Variants in REC114 observed in about 807,000 individuals in gnomAD.
The protein encoded by REC114 is REC114 meiotic recombination protein.
In REC114, 27 loss-of-function variants were observed where a neutral mutation model predicts 31.3. The observed-to-expected ratio is 0.86, with a 90% CI of 0.64 to 1.19. REC114 has a LOEUF of 1.19. Ranked by LOEUF, REC114 falls within the 50% of genes most tolerant of loss-of-function variation. REC114 has a pLI of 0.00. For synonymous variants in REC114, 134 were observed against 127.7 expected, an observed-to-expected ratio of 1.05 and a Z score of -0.33; for missense variants, 344 against 326.9, an observed-to-expected ratio of 1.05 and a Z score of -0.40.
intron 2 of REC114, among the ~76,000 whole-genome samples, chr15:73,531,253 C>G (rs1485778552): frequency 6.6e-6 from 1 of 152,124 alleles, no homozygotes; most frequent in African/African-American, 2.4e-5. Context: ...GAAACAGACT[C>G]AGTAGGGTTA....
intron 1 of REC114, 63 bp downstream of exon 1, chr15:73,443,407 G>C: frequency 1.3e-6 from 2 of 1,485,698 alleles, no homozygotes; most frequent in South Asian, 1.3e-5. Flanking sequence ...GAGGCTCCGC[G>C]AATACACTGG....
chr15:73,503,054 ATGCTTTGCT>A (rs1893623378), intron 2 of REC114, among the ~76,000 whole-genome samples: 1 of 152,242 alleles, frequency 6.6e-6, no homozygotes, highest in African/African-American at 2.4e-5. Flanking sequence ...TGGAGCTGTC[ATGCTTTGCT>A]GTTGGAAATG....
chr15:73,443,266 C>T lies in REC114; in HGVS notation c.81C>T (p.Ala27=), dbSNP rs1286677329. The part of the protein sequence containing the change: ...EAAEWPLQRY[A]RCIPSNTRDP... ...CAGAGTGGCCTCTGCAGCGGTACGC[C>T]CGCTGCATACCCTCAAACACCAGAG... The change falls in exon 1 of 6, where the codon GCC becomes GCT. Residue 27 remains alanine (A), a synonymous_variant. Transcript: ENST00000331090. The T allele has an allele frequency of 1.9e-6, 3 of 1,576,078 alleles. No homozygotes were observed. Among genetic ancestry groups the T allele is most frequent in the Non-Finnish European group, 2.6e-6 (3 of 1,161,988 alleles).
At chr15:73,512,111 T>C (rs897406499) in intron 2 of REC114, among the ~76,000 whole-genome samples, 1 of 142,052 alleles carries the variant, frequency 7.0e-6, no homozygotes, top group Non-Finnish European at 1.5e-5. Flanking sequence ...GGACTTGCTT[T>C]ATGAATCTGG....
In REC114 at chr15:73,507,116, G is replaced by GTA. The variant is rs1482539775; in HGVS notation, c.249+33200_249+33201dup. ...TCAAGACTAAGTGTTCATTTCCTGTGTATATAAAGGATATCTACAATTAAT... is the reference window on the plus strand; with the variant it reads ...TCAAGACTAAGTGTTCATTTCCTGTGTATATATAAAGGATATCTACAATTAAT... On this transcript the variant is annotated intron_variant, in intron 2 of 5. Coordinates refer to ENST00000331090, the MANE Select transcript of REC114 (RefSeq NM_001042367.2). Among the ~76,000 whole-genome samples the GTA allele has an allele frequency of 6.6e-5, 10 of 152,086 alleles. 1 individual carries two copies.
chr15:73,485,177 A>G (rs960091974), intron 2 of REC114, among the ~76,000 whole-genome samples: 4 of 152,072 alleles, frequency 2.6e-5, no homozygotes, highest in Non-Finnish European at 5.9e-5. Flanking sequence ...TCTGCCTCCC[A>G]GGTTCAAGCG....
intron 2 of REC114, among the ~76,000 whole-genome samples, chr15:73,507,469 C>T (rs1893695589): frequency 6.6e-6 from 1 of 151,996 alleles, no homozygotes; most frequent in African/African-American, 2.4e-5. Flanking sequence ...GATTGGATAC[C>T]CCTGATCTGG....
intron 2 of REC114, among the ~76,000 whole-genome samples, chr15:73,514,925 T>C (rs1893836847): frequency 6.8e-6 from 1 of 146,534 alleles, no homozygotes; most frequent in Non-Finnish European, 1.5e-5. Flanking sequence ...CCTTTAACAC[T>C]CTGATTTTTT....
intron 2 of REC114, among the ~76,000 whole-genome samples, chr15:73,510,927 G>A (rs1461407195): frequency 3.3e-5 from 5 of 152,178 alleles, no homozygotes; most frequent in South Asian, 2.1e-4. Context: ...GTCTCTGCCC[G>A]GCTTTGGTAT....
At chr15:73,535,352 G>A (rs1435661284) in intron 2 of REC114, among the ~76,000 whole-genome samples, 4 of 152,126 alleles carry the variant, frequency 2.6e-5, no homozygotes, top group African/African-American at 9.7e-5. Flanking sequence ...CAAAATCAGT[G>A]TGCAAAAATC....
chr15:73,527,198 G>T (rs187050956), intron 2 of REC114, among the ~76,000 whole-genome samples: 6 of 152,282 alleles, frequency 3.9e-5, no homozygotes, highest in African/African-American at 1.4e-4. Context: ...TCCCAGACCT[G>T]TGGAATTCTA....
At chr15:73,523,221 T>C (rs1172237456) in intron 2 of REC114, among the ~76,000 whole-genome samples, 2 of 152,066 alleles carry the variant, frequency 1.3e-5, no homozygotes, top group African/African-American at 4.8e-5. Context: ...AGGAGTTTAA[T>C]TGAGCAATGA....
intron 1 of REC114, among the ~76,000 whole-genome samples, chr15:73,457,576 G>C (rs1190087310): frequency 6.6e-6 from 1 of 152,114 alleles, no homozygotes; most frequent in African/African-American, 2.4e-5. Context: ...AGTAACCTGG[G>C]GCAGTGGTAA....
chr15:73,530,502 G>T (rs1894063268), intron 2 of REC114, among the ~76,000 whole-genome samples: 1 of 152,120 alleles, frequency 6.6e-6, no homozygotes, highest in Non-Finnish European at 1.5e-5. Flanking sequence ...TTTAAAATTA[G>T]CTGGGCATGG....
intron 1 of REC114, among the ~76,000 whole-genome samples, chr15:73,473,389 C>CAA (rs375168534): frequency 7.9e-5 from 11 of 139,468 alleles, no homozygotes; most frequent in African/African-American, 2.1e-4. Context: ...AACTCTGTCT[C>CAA]AAAAAAAAAA....
chr15:73,537,404 T>A (rs1428321277), intron 2 of REC114, among the ~76,000 whole-genome samples: 1 of 151,956 alleles, frequency 6.6e-6, no homozygotes, highest in African/African-American at 2.4e-5. Flanking sequence ...CAACTAAGAG[T>A]TGCTGTTGAG....
intron 2 of REC114, among the ~76,000 whole-genome samples, chr15:73,481,508 C>T (rs966698080): frequency 2.0e-5 from 3 of 152,032 alleles, no homozygotes; most frequent in Admixed American, 6.6e-5. Flanking sequence ...CCTCAGTTTA[C>T]CTTGGACTTG....
chr15:73,493,030 T>A (rs956281726), intron 2 of REC114, among the ~76,000 whole-genome samples: 3 of 151,890 alleles, frequency 2.0e-5, no homozygotes, highest in East Asian at 1.9e-4. Context: ...TTATTTATTT[T>A]TTTTGAGACA....
intron 2 of REC114, among the ~76,000 whole-genome samples, chr15:73,513,722 C>A (rs1163402400): frequency 3.9e-5 from 6 of 151,984 alleles, no homozygotes; most frequent in African/African-American, 1.4e-4. Flanking sequence ...TGTCAGTGTG[C>A]CCCTGCTGGG....
Sources: gnomAD v4.1 joint callset for allele counts (sites outside exome capture counted in the v4.1 genomes callset) on GRCh38, gnomAD v4.1.1 for gene constraint, MANE v1.5 for transcripts, NCBI Gene and HGNC (gene_info 2026-07-23, HGNC 2026-07-21) for gene names.